Variants in CSMD2 observed in about 807,000 individuals in gnomAD.
The protein encoded by CSMD2 is CUB and sushi domain-containing protein 2.
CSMD2 carries 130 observed loss-of-function variants against 398.5 expected under a neutral mutation model. The observed-to-expected ratio is 0.33, with a 90% CI of 0.28 to 0.38. The LOEUF is 0.38. Ranked by LOEUF, CSMD2 falls within the 10% of genes least tolerant of loss-of-function variation. CSMD2 has a pLI of 1.00. For missense variants in CSMD2, 3,829 were observed against 4,764.9 expected (o/e 0.80, Z 5.78); for synonymous variants, 1,828 against 1,908.5 (o/e 0.96, Z 1.10).
intron 3 of CSMD2, among the ~76,000 whole-genome samples, chr1:34,017,657 G>T (rs1372498088): frequency 6.6e-6 from 1 of 152,176 alleles, no homozygotes; most frequent in Non-Finnish European, 1.5e-5. Flanking sequence ...TCTGAGGCAG[G>T]AGGATTACTT....
intron 5 of CSMD2, among the ~76,000 whole-genome samples, chr1:33,894,981 C>A (rs1642282170): frequency 1.3e-5 from 2 of 152,200 alleles, no homozygotes; most frequent in South Asian, 4.1e-4. Context: ...CTCCTGTCAA[C>A]CACATCCAAC....
intron 13 of CSMD2, among the ~76,000 whole-genome samples, chr1:33,750,955 T>C (rs1410582480): frequency 1.3e-5 from 2 of 152,102 alleles, no homozygotes; most frequent in Non-Finnish European, 2.9e-5. Context: ...AAAATCACCA[T>C]AAACAAAAGC....
intron 3 of CSMD2, among the ~76,000 whole-genome samples, chr1:33,991,475 A>T (rs1248472643): frequency 6.6e-6 from 1 of 152,218 alleles, no homozygotes; most frequent in Non-Finnish European, 1.5e-5. Context: ...AAATTCTTCC[A>T]TCGAAATTGA....
intron 1 of CSMD2, among the ~76,000 whole-genome samples, chr1:34,090,480 A>G (rs1254578409): frequency 6.6e-6 from 1 of 152,072 alleles, no homozygotes; most frequent in Non-Finnish European, 1.5e-5. Context: ...TCTGTGGGCC[A>G]GGCCCATCAC....
upstream of CSMD2, chr1:34,165,295 C>A: frequency 2.5e-6 from 3 of 1,204,014 alleles, no homozygotes; most frequent in Non-Finnish European, 3.1e-6. Context: ...CGCTCCAATC[C>A]CGCTTCGCGG....
intron 23 of CSMD2, among the ~76,000 whole-genome samples, chr1:33,700,058 G>C (rs1023472151): frequency 1.9e-4 from 29 of 151,132 alleles, no homozygotes; most frequent in African/African-American, 6.8e-4. Flanking sequence ...ACCCAGGCTA[G>C]AGTGCAGTGG....
intron 16 of CSMD2, among the ~76,000 whole-genome samples, 180 bp downstream of exon 16, chr1:33,726,367 C>G (rs1384574418): frequency 6.6e-6 from 1 of 152,222 alleles, no homozygotes; most frequent in Non-Finnish European, 1.5e-5. Context: ...CAGCACAAAC[C>G]AAGCCCAAGG....
chr1:33,801,316 A>G (rs1425641941), intron 10 of CSMD2, among the ~76,000 whole-genome samples: 1 of 152,188 alleles, frequency 6.6e-6, no homozygotes, highest in African/African-American at 2.4e-5. Context: ...TTGTGTTCAT[A>G]CTGAGAAGCT....
intron 3 of CSMD2, among the ~76,000 whole-genome samples, chr1:33,980,694 T>A (rs145029468): frequency 6.6e-6 from 1 of 152,344 alleles, no homozygotes; most frequent in East Asian, 1.9e-4. Flanking sequence ...AGGTGCTAAG[T>A]CCCTGCTCTC....
intron 3 of CSMD2, among the ~76,000 whole-genome samples, chr1:34,009,599 G>A (rs561207): frequency 0.27 from 40,545 of 151,488 alleles, 5,777 homozygotes; most frequent in Non-Finnish European, 0.29. Context: ...AGACTCCCTC[G>A]CTAACCACTG....
chr1:33,956,218 A>G (rs1447127560), intron 3 of CSMD2, among the ~76,000 whole-genome samples: 2 of 152,002 alleles, frequency 1.3e-5, no homozygotes, highest in Non-Finnish European at 2.9e-5. Context: ...AAAAAAAAAA[A>G]AAAGAATATT....
chr1:33,869,337 G>T (rs983358864), intron 5 of CSMD2: 4 of 152,176 alleles, frequency 2.6e-5, no homozygotes, highest in African/African-American at 9.7e-5. Flanking sequence ...GCCTCCACTT[G>T]GTATTCCTTG....
At chr1:33,926,683 T>C (rs1644137680) in intron 4 of CSMD2, among the ~76,000 whole-genome samples, 1 of 152,236 alleles carries the variant, frequency 6.6e-6, no homozygotes. Flanking sequence ...AATATTCATT[T>C]ACACTTTCTC....
intron 1 of CSMD2, among the ~76,000 whole-genome samples, chr1:34,101,925 T>C (rs1362576699): frequency 1.3e-5 from 2 of 152,222 alleles, no homozygotes; most frequent in African/African-American, 4.8e-5. Context: ...GTACTAACTC[T>C]TTATAGAGTC....
At chr1:33,661,215 A>G (rs1352763130) in intron 26 of CSMD2, among the ~76,000 whole-genome samples, 1 of 152,132 alleles carries the variant, frequency 6.6e-6, no homozygotes, top group Admixed American at 6.5e-5. Flanking sequence ...TTTAAGCCGC[A>G]CCCATCAGCT....
At chr1:33,622,661 G>T (rs1641847723) in intron 36 of CSMD2, among the ~76,000 whole-genome samples, 1 of 152,160 alleles carries the variant, frequency 6.6e-6, no homozygotes, top group Non-Finnish European at 1.5e-5. Context: ...CTAGAGTTCT[G>T]GGCCTAAAAG....
chr1:33,852,377 G>A lies in CSMD2; in HGVS notation c.921-5381C>T, dbSNP rs557456670. ...CAGAATAAAGTCCAAGCTTTTTAAT[G>A]TCTTTCCTCTTCAATGACACACACT... On this transcript the variant is annotated intron_variant, in intron 5 of 70. Transcript: ENST00000373381. Among the ~76,000 whole-genome samples, 4 of 152,330 alleles carry A rather than the reference G, an allele frequency of 2.6e-5. No homozygotes were observed. In the East Asian group the frequency reaches 5.8e-4, roughly 22 times the overall value.
chr1:33,769,252 C>T (rs766193540), intron 13 of CSMD2, among the ~76,000 whole-genome samples: 19 of 152,218 alleles, frequency 1.2e-4, no homozygotes, highest in Non-Finnish European at 2.5e-4. Flanking sequence ...AGAATATATG[C>T]AGCCTGGCCA....
At chr1:33,960,851 C>T (rs1441641202) in intron 3 of CSMD2, among the ~76,000 whole-genome samples, 4 of 152,128 alleles carry the variant, frequency 2.6e-5, no homozygotes, top group Admixed American at 1.3e-4. Context: ...GGTTTGAGGG[C>T]GACTCTGGAA....
Sources: gnomAD v4.1 joint callset for allele counts (sites outside exome capture counted in the v4.1 genomes callset) on GRCh38, gnomAD v4.1.1 for gene constraint, MANE v1.5 for transcripts, NCBI Gene and HGNC (gene_info 2026-07-23, HGNC 2026-07-21) for gene names.